RALYL: variants seen among roughly 807,000 people sequenced by gnomAD.
RALYL encodes RALY RNA binding protein like, also known as RNA-binding Raly-like protein.
A neutral mutation model predicts 35.1 loss-of-function variants in RALYL; 29 were observed. That is an observed-to-expected ratio of 0.83 (90% CI 0.61 to 1.13). RALYL has a LOEUF of 1.13. Among genes scored for constraint, RALYL ranks in the 50% most tolerant of loss-of-function variants. The pLI is 0.00. For missense variants in RALYL, 359 were observed against 360.4 expected (o/e 1.00, Z 0.03); for synonymous variants, 120 against 127.6 (o/e 0.94, Z 0.40).
intron 2 of RALYL, among the ~76,000 whole-genome samples, chr8:84,657,916 T>A (rs1357110711): frequency 6.6e-6 from 1 of 152,128 alleles, no homozygotes; most frequent in Non-Finnish European, 1.5e-5. Context: ...AGTACACCTA[T>A]GAGAAACAAA....
At chr8:84,639,828 T>G (rs2131357049) in intron 2 of RALYL, among the ~76,000 whole-genome samples, 1 of 152,076 alleles carries the variant, frequency 6.6e-6, no homozygotes, top group African/African-American at 2.4e-5. Context: ...CACTCATTAA[T>G]CCTTAAAACC....
At chr8:84,906,689 T>TA (rs112161041) in intron 8 of RALYL, among the ~76,000 whole-genome samples, 8,446 of 144,404 alleles carry the variant, frequency 0.058, 606 homozygotes, top group African/African-American at 0.17. Flanking sequence ...GTTAATTGAT[T>TA]AAAAAAAAAA....
At chr8:84,624,231 C>T (rs1421304832) in intron 2 of RALYL, among the ~76,000 whole-genome samples, 1 of 152,172 alleles carries the variant, frequency 6.6e-6, no homozygotes, top group African/African-American at 2.4e-5. Flanking sequence ...TGTACTAGTT[C>T]TCTACTGCAG....
At chr8:84,504,233 T>C (rs1230347728) in intron 1 of RALYL, among the ~76,000 whole-genome samples, 2 of 152,102 alleles carry the variant, frequency 1.3e-5, no homozygotes, top group Admixed American at 6.6e-5. Context: ...AGGTTAAATA[T>C]GTTTAATAGA....
At chr8:84,189,218 A>G (rs976442019) in intron 1 of RALYL, among the ~76,000 whole-genome samples, 6 of 152,204 alleles carry the variant, frequency 3.9e-5, no homozygotes, top group African/African-American at 1.2e-4. Context: ...AGCATGCATC[A>G]CTAAGTGCTC....
At chr8:84,256,462 A>G (rs963041613) in intron 1 of RALYL, among the ~76,000 whole-genome samples, 2 of 152,116 alleles carry the variant, frequency 1.3e-5, no homozygotes, top group African/African-American at 4.8e-5. Flanking sequence ...GACATTCCAG[A>G]CATAAAATCA....
intron 1 of RALYL, among the ~76,000 whole-genome samples, chr8:84,416,974 CTCT>C (rs1310912905): frequency 6.6e-6 from 1 of 152,052 alleles, no homozygotes. Context: ...ATTTTAACTT[CTCT>C]TATTTTCTTC....
chr8:84,722,122 A>G (rs995915351), intron 2 of RALYL, among the ~76,000 whole-genome samples: 1 of 152,074 alleles, frequency 6.6e-6, no homozygotes, highest in African/African-American at 2.4e-5. Flanking sequence ...TTTCTAACAT[A>G]AAAGCTTAGA....
chr8:84,898,245 A>G (rs1029161972), intron 8 of RALYL, among the ~76,000 whole-genome samples: 6 of 152,204 alleles, frequency 3.9e-5, no homozygotes, highest in African/African-American at 1.4e-4. Flanking sequence ...GGCGGACCCC[A>G]GTCCTCTATG....
chr8:84,386,535 T>TA (rs1183119734), intron 1 of RALYL, among the ~76,000 whole-genome samples: 4 of 151,840 alleles, frequency 2.6e-5, no homozygotes, highest in Non-Finnish European at 5.9e-5. Context: ...TTCCATTGGG[T>TA]AGTAGTACCT....
chr8:84,808,316 G>A (rs1825137314), intron 4 of RALYL, among the ~76,000 whole-genome samples: 1 of 152,054 alleles, frequency 6.6e-6, no homozygotes, highest in Admixed American at 6.6e-5. Context: ...TGGCTGTTAA[G>A]TATTTGGGTT....
chr8:84,781,215 A>G (rs536684618), intron 3 of RALYL, among the ~76,000 whole-genome samples: 1 of 152,326 alleles, frequency 6.6e-6, no homozygotes, highest in African/African-American at 2.4e-5. Flanking sequence ...TAAATCTCAC[A>G]CAGTCAACTA....
intron 8 of RALYL, among the ~76,000 whole-genome samples, chr8:84,915,504 T>C (rs1291421948): frequency 6.6e-6 from 1 of 152,104 alleles, no homozygotes; most frequent in East Asian, 1.9e-4. Context: ...ATTTAGCTGA[T>C]TTAGACTCAA....
intron 1 of RALYL, among the ~76,000 whole-genome samples, chr8:84,431,411 A>G (rs1261783494): frequency 6.6e-6 from 1 of 152,056 alleles, no homozygotes; most frequent in African/African-American, 2.4e-5. Flanking sequence ...CAATATCACT[A>G]TGAGGGAAAC....
intron 1 of RALYL, among the ~76,000 whole-genome samples, chr8:84,420,149 T>A (rs1359406506): frequency 6.6e-6 from 1 of 151,872 alleles, no homozygotes; most frequent in Non-Finnish European, 1.5e-5. Context: ...TGAACTAGTT[T>A]ACAGTCCCAG....
chr8:84,524,626 A>G (rs535284531), intron 1 of RALYL, among the ~76,000 whole-genome samples: 1 of 152,320 alleles, frequency 6.6e-6, no homozygotes, highest in South Asian at 2.1e-4. Flanking sequence ...AAAATATTTT[A>G]TCTAAAGCAC....
At chr8:84,383,166 C>T (rs149310393) in intron 1 of RALYL, among the ~76,000 whole-genome samples, 5 of 151,848 alleles carry the variant, frequency 3.3e-5, no homozygotes, top group East Asian at 1.9e-4. Context: ...TAAAATATAT[C>T]GCTTCATGTC....
chr8:84,311,628 T>C (rs2129918584), intron 1 of RALYL, among the ~76,000 whole-genome samples: 1 of 152,258 alleles, frequency 6.6e-6, no homozygotes, highest in South Asian at 2.1e-4. Context: ...CTGGAATTCA[T>C]AGGATCCCAA....
intron 1 of RALYL, among the ~76,000 whole-genome samples, chr8:84,267,760 A>G (rs1356315162): frequency 2.0e-5 from 3 of 152,232 alleles, no homozygotes; most frequent in Non-Finnish European, 4.4e-5. Flanking sequence ...CCAATACCTT[A>G]TAAAATCCTT....
Sources: gnomAD v4.1 joint callset for allele counts (sites outside exome capture counted in the v4.1 genomes callset) on GRCh38, gnomAD v4.1.1 for gene constraint, MANE v1.5 for transcripts, NCBI Gene and HGNC (gene_info 2026-07-23, HGNC 2026-07-21) for gene names.